The following IL1RAPL2 variants were observed in gnomAD, a reference collection of about 807,000 sequenced individuals.
The protein encoded by IL1RAPL2 is interleukin 1 receptor accessory protein like 2.
IL1RAPL2 carries 3 observed loss-of-function variants against 44.1 expected under a neutral mutation model. That is an observed-to-expected ratio of 0.07 (90% confidence interval 0.03 to 0.18). IL1RAPL2 has a LOEUF of 0.18. Ranked by LOEUF, IL1RAPL2 falls within the 10% of genes least tolerant of loss-of-function variation. The pLI is 1.00. For synonymous variants in IL1RAPL2, 181 were observed against 178.8 expected, an observed-to-expected ratio of 1.01 and a Z score of -0.10; for missense variants, 391 against 496.4, an observed-to-expected ratio of 0.79 and a Z score of 2.02.
rs767417903 is a variant in IL1RAPL2, at chrX:104,930,560, G to A, written c.83-264915G>A. ...GTATTATTATCTCTGTTTTACAGAC[G>A]AGGAAGCAGAGAAAATCAGGAGGGT... On this transcript the variant is annotated intron_variant, in intron 2 of 10. Coordinates refer to ENST00000372582, the MANE Select transcript of IL1RAPL2 (RefSeq NM_017416.2). Among the ~76,000 whole-genome samples the A allele has an allele frequency of 3.6e-5, 4 of 111,999 alleles. No homozygotes were observed. The East Asian group carries it at 1.1e-3, about 31-fold the overall frequency.
chrX:105,516,540 A>C (rs1434021328), intron 6 of IL1RAPL2, among the ~76,000 whole-genome samples: 1 of 111,828 alleles, frequency 8.9e-6, no homozygotes, highest in Non-Finnish European at 1.9e-5. Context: ...GGTTTGGTTG[A>C]CCTTTTCAGT....
intron 2 of IL1RAPL2, among the ~76,000 whole-genome samples, chrX:104,772,573 C>G (rs1158382643): frequency 8.9e-6 from 1 of 112,116 alleles, no homozygotes; most frequent in Non-Finnish European, 1.9e-5. Context: ...TAAAGGTAAT[C>G]TGAGTGTTAG....
At chrX:105,481,926 T>A (rs1261399724) in intron 5 of IL1RAPL2, among the ~76,000 whole-genome samples, 2 of 112,090 alleles carry the variant, frequency 1.8e-5, no homozygotes, top group Non-Finnish European at 3.8e-5. Context: ...CCACTCCCTC[T>A]CTTCAGAGGA....
At chrX:104,875,941 A>G (rs769493904) in intron 2 of IL1RAPL2, among the ~76,000 whole-genome samples, 22 of 109,904 alleles carry the variant, frequency 2.0e-4, no homozygotes, top group Non-Finnish European at 3.2e-4. Context: ...TTTTTTCTCT[A>G]GAGAGGCCTG....
At chrX:104,983,690 T>A (rs1003851905) in intron 2 of IL1RAPL2, among the ~76,000 whole-genome samples, 56 of 100,872 alleles carry the variant, frequency 5.6e-4, no homozygotes, top group African/African-American at 2.0e-3. Flanking sequence ...TACATAATAT[T>A]AACATAATAT....
chrX:104,887,370 T>G (rs1286873865), intron 2 of IL1RAPL2, among the ~76,000 whole-genome samples: 3 of 112,300 alleles, frequency 2.7e-5, no homozygotes, highest in African/African-American at 9.7e-5. Context: ...CTTGGAGTCC[T>G]TACTTAGACT....
intron 2 of IL1RAPL2, among the ~76,000 whole-genome samples, chrX:104,702,759 T>C: frequency 9.0e-6 from 1 of 111,185 alleles, no homozygotes; most frequent in Non-Finnish European, 1.9e-5. Flanking sequence ...GTCATAATAT[T>C]GACCCCCTTC....
intron 1 of IL1RAPL2, among the ~76,000 whole-genome samples, chrX:104,584,785 A>G (rs1489582690): frequency 1.8e-5 from 2 of 111,031 alleles, no homozygotes; most frequent in East Asian, 5.7e-4. Flanking sequence ...TATCAGAGGA[A>G]AATCATAAAG....
intron 6 of IL1RAPL2, among the ~76,000 whole-genome samples, chrX:105,535,249 C>T (rs1021425078): frequency 1.8e-5 from 2 of 111,481 alleles, no homozygotes; most frequent in Non-Finnish European, 3.8e-5. Flanking sequence ...AAAGTGATCG[C>T]GAGACCCACG....
chrX:104,712,174 A>G (rs922215507), intron 2 of IL1RAPL2, among the ~76,000 whole-genome samples: 1 of 110,468 alleles, frequency 9.1e-6, no homozygotes, highest in East Asian at 2.8e-4. Flanking sequence ...ATGAGTTGTC[A>G]TTAACTGTTT....
At chrX:105,723,726 G>A (rs965655864) in intron 7 of IL1RAPL2, among the ~76,000 whole-genome samples, 3 of 111,335 alleles carry the variant, frequency 2.7e-5, no homozygotes, top group African/African-American at 9.8e-5. Context: ...CCTCGTGGAT[G>A]GAACCTTCTG....
At chrX:105,466,889 T>G (rs1173449875) in intron 5 of IL1RAPL2, among the ~76,000 whole-genome samples, 1 of 111,693 alleles carries the variant, frequency 9.0e-6, no homozygotes. Context: ...GGAAACAAGG[T>G]GGTGCAGGGC....
chrX:104,899,054 A>T (rs1353978732), intron 2 of IL1RAPL2, among the ~76,000 whole-genome samples: 1 of 112,126 alleles, frequency 8.9e-6, no homozygotes, highest in Admixed American at 9.4e-5. Flanking sequence ...ATTGCTTGTC[A>T]TTACACAGGA....
chrX:105,029,969 T>C (rs1205225204), intron 2 of IL1RAPL2, among the ~76,000 whole-genome samples: 4 of 112,057 alleles, frequency 3.6e-5, no homozygotes, highest in Middle Eastern at 4.6e-3. Context: ...TGGTATCTCA[T>C]TGTGGTTTTG....
chrX:105,492,603 C>T (rs2036328523), intron 6 of IL1RAPL2, among the ~76,000 whole-genome samples: 1 of 108,620 alleles, frequency 9.2e-6, no homozygotes, highest in South Asian at 3.9e-4. Context: ...GTGATAATAT[C>T]AGTAGTAGTA....
chrX:105,218,034 G>A (rs2033883137), intron 3 of IL1RAPL2, among the ~76,000 whole-genome samples: 1 of 110,663 alleles, frequency 9.0e-6, no homozygotes, highest in African/African-American at 3.3e-5. Flanking sequence ...GATAGGTACA[G>A]CAAACCACCA....
intron 2 of IL1RAPL2, among the ~76,000 whole-genome samples, chrX:104,916,263 TCTC>T (rs1353057213): frequency 9.0e-6 from 1 of 111,701 alleles, no homozygotes; most frequent in Non-Finnish European, 1.9e-5. Flanking sequence ...GGTTTGTAGT[TCTC>T]CTTGAAGAGG....
chrX:105,758,703 C>A (rs181549444), intron 10 of IL1RAPL2, among the ~76,000 whole-genome samples: 1 of 111,951 alleles, frequency 8.9e-6, no homozygotes, highest in Admixed American at 9.5e-5. Flanking sequence ...AGGTTGGGTG[C>A]CTAAATATGG....
At chrX:104,855,964 C>G (rs970819800) in intron 2 of IL1RAPL2, among the ~76,000 whole-genome samples, 5 of 110,491 alleles carry the variant, frequency 4.5e-5, no homozygotes, top group African/African-American at 1.6e-4. Flanking sequence ...GTAACTGCTG[C>G]TGGCCTAAGA....
Sources: gnomAD v4.1 joint callset for allele counts (sites outside exome capture counted in the v4.1 genomes callset) on GRCh38, gnomAD v4.1.1 for gene constraint, MANE v1.5 for transcripts, NCBI Gene and HGNC (gene_info 2026-07-23, HGNC 2026-07-21) for gene names.